MYMX: variants seen among roughly 807,000 people sequenced by gnomAD.
MYMX encodes myomixer, myoblast fusion factor.
the MYMX span, among the ~76,000 whole-genome samples, chr6:44,200,602 A>T: frequency 6.6e-6 from 1 of 152,192 alleles, no homozygotes; most frequent in Admixed American, 6.5e-5. Flanking sequence ...GGCGTGAGCC[A>T]TCGCGCCTGG....
chr6:44,208,954 C>T, the MYMX span, among the ~76,000 whole-genome samples: 2 of 152,208 alleles, frequency 1.3e-5, no homozygotes, highest in Admixed American at 6.5e-5. Context: ...ACTTTAGGCT[C>T]TCCTGCTCTC....
At chr6:44,204,163 G>C in the MYMX span, among the ~76,000 whole-genome samples, 4 of 152,170 alleles carry the variant, frequency 2.6e-5, no homozygotes, top group Non-Finnish European at 5.9e-5. Flanking sequence ...TTACGTTTTA[G>C]TAAGGGAGGC....
the MYMX span, among the ~76,000 whole-genome samples, chr6:44,207,608 C>G: frequency 6.6e-6 from 1 of 151,990 alleles, no homozygotes; most frequent in Non-Finnish European, 1.5e-5. Flanking sequence ...TCTCGGTTAA[C>G]TGTAACCTCC....
the MYMX span, among the ~76,000 whole-genome samples, chr6:44,203,657 A>G: frequency 6.6e-6 from 1 of 152,132 alleles, no homozygotes; most frequent in Admixed American, 6.6e-5. Flanking sequence ...AGGAACCAAA[A>G]TAAGGCAGTT....
chr6:44,193,101 CT>C, the MYMX span, among the ~76,000 whole-genome samples: 2 of 152,138 alleles, frequency 1.3e-5, no homozygotes, highest in African/African-American at 4.8e-5. Context: ...CACCGAGGCC[CT>C]CTCTGAACTT....
At chr6:44,212,968 C>A (rs1250980638), upstream of MYMX, among the ~76,000 whole-genome samples, 2 of 151,854 alleles carry the variant, frequency 1.3e-5, no homozygotes, top group Non-Finnish European at 2.9e-5. Flanking sequence ...GTCGAGGCTG[C>A]AGTGAGCTGT....
chr6:44,217,103 G>A, intron 1 of MYMX, 135 bp downstream of exon 1: 1 of 215,420 alleles, frequency 4.6e-6, no homozygotes, highest in Non-Finnish European at 9.1e-6. Context: ...AGGGAGAAGG[G>A]TTAGGGAACT....
At chr6:44,212,532 G>A (rs1775647144), upstream of MYMX, among the ~76,000 whole-genome samples, 1 of 151,762 alleles carries the variant, frequency 6.6e-6, no homozygotes, top group Non-Finnish European at 1.5e-5. Context: ...ATTCCATAAT[G>A]TATACATGTA....
At chr6:44,205,342 A>G in the MYMX span, among the ~76,000 whole-genome samples, 1 of 152,182 alleles carries the variant, frequency 6.6e-6, no homozygotes, top group Non-Finnish European at 1.5e-5. Context: ...TGTATAAGCA[A>G]TTATCCATTG....
chr6:44,203,175 C>T, the MYMX span, among the ~76,000 whole-genome samples: 1 of 152,300 alleles, frequency 6.6e-6, no homozygotes, highest in South Asian at 2.1e-4. Context: ...AGACTCTCTC[C>T]AGCTGTCTGT....
At chr6:44,209,610 A>C in the MYMX span, among the ~76,000 whole-genome samples, 1 of 152,210 alleles carries the variant, frequency 6.6e-6, no homozygotes, top group Non-Finnish European at 1.5e-5. Flanking sequence ...AAGTAGGATA[A>C]AAGTTTTAAA....
chr6:44,215,093 T>TCCCAC (rs1407319542), upstream of MYMX, among the ~76,000 whole-genome samples: 31 of 152,280 alleles, frequency 2.0e-4, no homozygotes, highest in African/African-American at 6.5e-4. Context: ...CCTGGTAAGT[T>TCCCAC]TTCTTTCTTT....
At chr6:44,199,427 G>A in the MYMX span, among the ~76,000 whole-genome samples, 5 of 151,990 alleles carry the variant, frequency 3.3e-5, no homozygotes, top group African/African-American at 1.2e-4. Context: ...CGAACTCCTC[G>A]GCTCAAGTGA....
chr6:44,204,555 A>T, the MYMX span, among the ~76,000 whole-genome samples: 43 of 152,342 alleles, frequency 2.8e-4, no homozygotes, highest in Admixed American at 9.8e-4. Context: ...CTGTTCTTTT[A>T]TAAAGGAAAT....
At chr6:44,200,337 CAG>C in the MYMX span, among the ~76,000 whole-genome samples, 1 of 151,852 alleles carries the variant, frequency 6.6e-6, no homozygotes, top group East Asian at 1.9e-4. Context: ...TATTTTTAGA[CAG>C]AGTCTTGCTC....
chr6:44,201,407 C>T, the MYMX span, among the ~76,000 whole-genome samples: 2 of 152,076 alleles, frequency 1.3e-5, no homozygotes, highest in Non-Finnish European at 2.9e-5. Context: ...ACACCCTGCC[C>T]TTGATGAGGC....
the MYMX span, among the ~76,000 whole-genome samples, chr6:44,208,504 A>T: frequency 6.6e-6 from 1 of 152,004 alleles, no homozygotes; most frequent in Admixed American, 6.6e-5. Context: ...CCTCCAGAAG[A>T]TCTCTCGGAT....
the MYMX span, among the ~76,000 whole-genome samples, chr6:44,200,184 TATAAC>T: frequency 6.6e-5 from 10 of 152,106 alleles, no homozygotes; most frequent in South Asian, 1.5e-3. Context: ...AAAAAAAAAT[TATAAC>T]ATAATACTTT....
upstream of MYMX, among the ~76,000 whole-genome samples, chr6:44,213,700 G>T (rs747462168): frequency 6.6e-6 from 1 of 152,200 alleles, no homozygotes; most frequent in African/African-American, 2.4e-5. Flanking sequence ...GATTACAGGC[G>T]TGAGCCACTG....
Sources: allele counts gnomAD v4.1 joint callset (sites outside exome capture counted in the v4.1 genomes callset), GRCh38; gene constraint gnomAD v4.1.1; transcripts MANE v1.5; gene names NCBI Gene and HGNC (gene_info 2026-07-23, HGNC 2026-07-21).